Variants in TRAPPC9 observed in about 807,000 individuals in gnomAD.
TRAPPC9 encodes the protein IKK2 binding protein.
A neutral mutation model predicts 124.0 loss-of-function variants in TRAPPC9; 83 were observed. That is an observed-to-expected ratio of 0.67 (90% CI 0.56 to 0.80). The LOEUF (loss-of-function observed/expected upper bound fraction) is 0.80, where lower values mean the gene tolerates loss of function less well. Ranked by LOEUF, TRAPPC9 falls within the 30% of genes least tolerant of loss-of-function variation. The pLI is 0.00. For missense variants in TRAPPC9, 1,302 were observed against 1,508.3 expected, an observed-to-expected ratio of 0.86 and a Z score of 2.27; for synonymous variants, 638 against 617.5, an observed-to-expected ratio of 1.03 and a Z score of -0.49.
At chr8:140,370,897 G>C in intron 8 of TRAPPC9, 67 bp downstream of exon 8, 1 of 1,572,288 alleles carries the variant, frequency 6.4e-7, no homozygotes, top group Non-Finnish European at 8.7e-7. Flanking sequence ...TCAGGGCAGG[G>C]GCTGAAACAG....
chr8:140,424,558 G>T (rs189488426), intron 5 of TRAPPC9, among the ~76,000 whole-genome samples: 96 of 150,946 alleles, frequency 6.4e-4, no homozygotes, highest in Admixed American at 1.5e-3. Context: ...ATTGCCTGGA[G>T]TTCAAGGGCG....
At chr8:139,841,943 G>A (rs979770562) in intron 21 of TRAPPC9, among the ~76,000 whole-genome samples, 14 of 152,230 alleles carry the variant, frequency 9.2e-5, no homozygotes, top group African/African-American at 3.1e-4. Flanking sequence ...GGGAAGCTGG[G>A]GACCTGGGGT....
intron 9 of TRAPPC9, among the ~76,000 whole-genome samples, chr8:140,335,539 C>T (rs7835808): frequency 0.63 from 95,327 of 151,756 alleles, 30,304 homozygotes; most frequent in African/African-American, 0.74. Context: ...ATATGGTAAC[C>T]GCAGGATCCT....
chr8:140,275,558 A>G, intron 15 of TRAPPC9, 100 bp downstream of exon 15: 1 of 1,357,326 alleles, frequency 7.4e-7, no homozygotes, highest in Non-Finnish European at 1.1e-6. Context: ...GAATCCACAA[A>G]GAAGTTTTTA....
chr8:140,179,470 TA>T (rs2062150408), intron 17 of TRAPPC9, among the ~76,000 whole-genome samples: 1 of 152,144 alleles, frequency 6.6e-6, no homozygotes, highest in Non-Finnish European at 1.5e-5. Context: ...TTTTAAAATT[TA>T]TTGAGACTTG....
intron 14 of TRAPPC9, among the ~76,000 whole-genome samples, chr8:140,282,359 T>C (rs2131700971): frequency 6.6e-6 from 1 of 151,972 alleles, no homozygotes; most frequent in South Asian, 2.1e-4. Flanking sequence ...AAAAATTAGC[T>C]GGGCGTGGTG....
In TRAPPC9 at chr8:139,821,944, G is replaced by A. The variant is rs116260527; in HGVS notation, c.3055+63935C>T. Among the ~76,000 whole-genome samples, 344 of 152,326 alleles carry A rather than the reference G, an allele frequency of 2.3e-3. 4 individuals carry two copies. The highest frequency in any genetic ancestry group is 7.4e-3 in the African/African-American group (309 of 41,576). ...CTCGGCTATTGGCTGGGCCTAAATT[G>A]TTCCTTACTCTGAGAATTCGTTAAG... On this transcript the variant is annotated intron_variant, in intron 21 of 22. Coordinates refer to ENST00000438773, the MANE Select transcript of TRAPPC9 (RefSeq NM_001160372.4).
intron 19 of TRAPPC9, among the ~76,000 whole-genome samples, chr8:139,953,361 C>G (rs956879598): frequency 6.6e-6 from 1 of 152,072 alleles, no homozygotes; most frequent in East Asian, 1.9e-4. Flanking sequence ...GGCATGGGGG[C>G]GCACACCTAT....
intron 16 of TRAPPC9, among the ~76,000 whole-genome samples, chr8:140,232,597 C>T (rs894531042): frequency 3.9e-5 from 6 of 152,166 alleles, no homozygotes; most frequent in Non-Finnish European, 8.8e-5. Context: ...CCCCTCTGAC[C>T]TGAGGAAAGA....
chr8:139,746,443 G>A (rs1314613845), intron 21 of TRAPPC9, among the ~76,000 whole-genome samples: 22 of 152,206 alleles, frequency 1.4e-4, no homozygotes, highest in Non-Finnish European at 1.5e-5. Context: ...AGGGCTGGAG[G>A]AGGGAGGAGC....
At chr8:139,969,560 G>A (rs1289299986) in intron 19 of TRAPPC9, among the ~76,000 whole-genome samples, 2 of 152,240 alleles carry the variant, frequency 1.3e-5, no homozygotes, top group Admixed American at 6.5e-5. Context: ...TCCTCAATGG[G>A]CTAGCAGGAA....
chr8:140,308,212 G>A (rs1005331315), intron 10 of TRAPPC9, among the ~76,000 whole-genome samples: 8 of 151,926 alleles, frequency 5.3e-5, no homozygotes, highest in African/African-American at 1.7e-4. Flanking sequence ...CAGGAGCGTA[G>A]GACCAAGGAA....
chr8:140,159,041 CCCTTGGCGGAAGTTCCCTG>C (rs772597607), intron 17 of TRAPPC9, among the ~76,000 whole-genome samples: 3 of 152,178 alleles, frequency 2.0e-5, no homozygotes, highest in Non-Finnish European at 4.4e-5. Flanking sequence ...AGAGTCTCTG[CCCTTGGCGGAAGTTCCCTG>C]CCAGGGACGG....
chr8:140,018,031 G>T (rs1391003405), intron 18 of TRAPPC9, among the ~76,000 whole-genome samples: 1 of 152,028 alleles, frequency 6.6e-6, no homozygotes, highest in East Asian at 1.9e-4. Context: ...TTTTAGCAGA[G>T]AGTGGGTTTC....
chr8:140,049,502 T>C (rs1306255421), intron 17 of TRAPPC9, among the ~76,000 whole-genome samples: 1 of 151,968 alleles, frequency 6.6e-6, no homozygotes, highest in East Asian at 1.9e-4. Context: ...GGTGATGTGT[T>C]CTGCCCACCT....
At chr8:139,948,372 T>C (rs1834412773) in intron 19 of TRAPPC9, among the ~76,000 whole-genome samples, 1 of 152,000 alleles carries the variant, frequency 6.6e-6, no homozygotes, top group Non-Finnish European at 1.5e-5. Context: ...TTTTTGCCAA[T>C]ATAACGGCTT....
chr8:139,850,125 T>C (rs1827349842), intron 21 of TRAPPC9, among the ~76,000 whole-genome samples: 1 of 152,352 alleles, frequency 6.6e-6, no homozygotes, highest in East Asian at 1.9e-4. Flanking sequence ...TAGACCATTA[T>C]GAAATTGCTC....
chr8:140,276,620 C>T (rs1183529313), intron 14 of TRAPPC9, among the ~76,000 whole-genome samples: 2 of 152,178 alleles, frequency 1.3e-5, no homozygotes, highest in African/African-American at 4.8e-5. Flanking sequence ...TCCCAATCCA[C>T]AGGCTGCAAA....
intron 21 of TRAPPC9, among the ~76,000 whole-genome samples, chr8:139,837,463 G>T (rs1014872939): frequency 2.0e-5 from 3 of 152,186 alleles, no homozygotes; most frequent in African/African-American, 4.8e-5. Flanking sequence ...AACTCTGAGG[G>T]GTACTTCTTG....
Sources: gnomAD v4.1 joint callset for allele counts (sites outside exome capture counted in the v4.1 genomes callset) on GRCh38, gnomAD v4.1.1 for gene constraint, MANE v1.5 for transcripts, NCBI Gene and HGNC (gene_info 2026-07-23, HGNC 2026-07-21) for gene names.